Variants in NACC2 observed in about 807,000 individuals in gnomAD.
The protein encoded by NACC2 is nucleus accumbens-associated protein 2.
Under a neutral mutation model 25.1 loss-of-function variants are expected in NACC2, and 8 were observed. The ratio of observed to expected loss-of-function variants is 0.32; its 90% confidence interval spans 0.19 to 0.57. The LOEUF is 0.57. NACC2 is among the 20% of genes least tolerant of loss of function. The probability of loss-of-function intolerance (pLI) is 0.89; values close to 1 mark genes in which losing one functional copy is unlikely to be tolerated. For missense variants in NACC2, 644 were observed against 650.2 expected (o/e 0.99, Z 0.10); for synonymous variants, 435 against 294.7 (o/e 1.48, Z -4.88).
chr9:136,090,927 C>T (rs1588587223), intron 1 of NACC2, among the ~76,000 whole-genome samples: 1 of 152,186 alleles, frequency 6.6e-6, no homozygotes, highest in East Asian at 1.9e-4. Context: ...TGTTCCCCGC[C>T]CCCAGCCCTG....
chr9:136,014,049 G>T, intron 3 of NACC2, 80 bp from the exon 4 acceptor site: 1 of 641,832 alleles, frequency 1.6e-6, no homozygotes, highest in Non-Finnish European at 2.5e-6. Context: ...GGGTGAGGGG[G>T]AGGGGGGGAG....
At chr9:136,025,615 A>T (rs79926189) in intron 2 of NACC2, among the ~76,000 whole-genome samples, 3 of 143,536 alleles carry the variant, frequency 2.1e-5, no homozygotes, top group East Asian at 2.0e-4. Context: ...AAGTCCTATT[A>T]AAAAAAAAAA....
Position 136,013,899 on chromosome 9 carries a change from G to A in NACC2, c.1122C>T (p.Val374=). Residue 374 remains valine (V), a synonymous_variant, in exon 4 of 6, where the codon GTC becomes GTT. Coordinates refer to ENST00000277554, the MANE Select transcript of NACC2 (RefSeq NM_144653.5). This position sits in a 1 kb window ranked among gnomAD's most constrained non-coding sequence, Gnocchi z 6.6. ...AGGTGGCCAGGAGCCTCCGCAGCAA[G>A]ACCTTATGCTTCACCCCTGCACACA... The part of the protein sequence containing the change: ...CHLCAGVKHK[V]LLRRLLATFF... 6.2e-7 allele frequency: 1 copy of A among 1,612,926 alleles called. No individual in the cohort carries two copies. The highest frequency in any genetic ancestry group is 8.5e-7 in the Non-Finnish European group (1 of 1,179,982).
chr9:136,016,394 G>A lies in NACC2; in HGVS notation c.922C>T (p.Arg308Cys), dbSNP rs370237187. 30 of 1,611,150 alleles carry A rather than the reference G, an allele frequency of 1.9e-5. No homozygotes were observed. The highest frequency in any genetic ancestry group is 2.7e-5 in the African/African-American group (2 of 74,860). ...TCGCGGCGGATGAGGACGCAGGAGC[G>A]GCTCTCCAGCGGCACTGGCTCAGGC... ...EKPEPVPLES[R>C]SCVLIRRDLV... Residue 308 changes from arginine to cysteine, a missense_variant, in exon 3 of 6, where the codon CGC (arginine) becomes TGC (cysteine). Transcript: ENST00000277554.
Position 136,045,960 on chromosome 9 carries a change from G to A in NACC2, c.886+3676C>T, listed in dbSNP as rs1480675880. ...CCTTGCCGGGGAAGCCCCGGCTCCCGGTGTCCCTGCTGGACGTTCAGATGC... is the reference window on the plus strand; with the variant it reads ...CCTTGCCGGGGAAGCCCCGGCTCCCAGTGTCCCTGCTGGACGTTCAGATGC... On this transcript the variant is annotated intron_variant, in intron 2 of 5. Transcript: ENST00000277554. 3.3e-5 allele frequency among the ~76,000 whole-genome samples: 5 copies of A among 152,228 alleles called. No homozygotes were observed. In the East Asian group the frequency reaches 5.8e-4, roughly 18 times the overall value.
At chr9:136,035,788 A>G (rs1380038065) in intron 2 of NACC2, among the ~76,000 whole-genome samples, 3 of 152,232 alleles carry the variant, frequency 2.0e-5, no homozygotes, top group Admixed American at 1.3e-4. Context: ...GTTTAGTGAA[A>G]AACCTCTACA....
chr9:136,016,300 T>G lies in NACC2; in HGVS notation c.1016A>C (p.Glu339Ala), dbSNP rs745873586. Residue 339 changes from glutamate (E) to alanine (A), a missense_variant, in exon 3 of 6, where the codon GAA becomes GCA. Coordinates refer to ENST00000277554, the MANE Select transcript of NACC2 (RefSeq NM_144653.5). ...GYRCHPKLYS[E>A]GDPGEKLELV... ...CTCCAGCTTCTCCCCGGGGTCCCCT[T>G]CCGAGTAGAGCTTGGGATGGCAGCG... is the stretch of plus-strand genomic sequence containing the variant. 2.4e-5 allele frequency: 38 copies of G among 1,612,846 alleles called. No homozygotes were observed. The African/African-American group carries it at 2.5e-4, about 11-fold the overall frequency.
At chr9:136,085,137 ATTTTTTTTT>A (rs913472378) in intron 1 of NACC2, among the ~76,000 whole-genome samples, 4 of 82,768 alleles carry the variant, frequency 4.8e-5, no homozygotes, top group African/African-American at 1.8e-4. Context: ...CATTTCTACA[ATTTTTTTTT>A]TTTTTTTTTT....
intron 1 of NACC2, among the ~76,000 whole-genome samples, chr9:136,089,496 CTG>C: frequency 6.6e-6 from 1 of 152,126 alleles, no homozygotes; most frequent in Non-Finnish European, 1.5e-5. Flanking sequence ...ACAACCCCAC[CTG>C]GTGGGGGGCT....
chr9:136,029,607 C>T (rs1840443882), intron 2 of NACC2, among the ~76,000 whole-genome samples: 2 of 152,200 alleles, frequency 1.3e-5, no homozygotes, highest in Admixed American at 1.3e-4. Context: ...GGTCCGTGAG[C>T]CGGGGCTGTG....
At chr9:136,093,594 G>C (rs1316990745) in intron 1 of NACC2, among the ~76,000 whole-genome samples, 1 of 152,232 alleles carries the variant, frequency 6.6e-6, no homozygotes, top group East Asian at 1.9e-4. Context: ...CACTCTCTGT[G>C]CCCATTCCAA....
chr9:136,017,373 G>A (rs780794293), intron 2 of NACC2, among the ~76,000 whole-genome samples: 6 of 152,140 alleles, frequency 3.9e-5, no homozygotes, highest in Admixed American at 2.0e-4. Flanking sequence ...GAGCGTTCAT[G>A]GAGGGCCAGG....
At chr9:136,092,849 C>T (rs1316936380) in intron 1 of NACC2, among the ~76,000 whole-genome samples, 1 of 152,224 alleles carries the variant, frequency 6.6e-6, no homozygotes, top group African/African-American at 2.4e-5. Context: ...CCTCATCCCA[C>T]CGGCCACAGT....
chr9:136,012,595 T>C (rs1168569556), intron 5 of NACC2, among the ~76,000 whole-genome samples: 1 of 151,834 alleles, frequency 6.6e-6, no homozygotes, highest in Admixed American at 6.6e-5. Context: ...ACTTGGGGAC[T>C]GTAATTCCTG....
intron 3 of NACC2, 54 bp from the exon 4 acceptor site, chr9:136,014,023 G>T: frequency 1.0e-6 from 1 of 964,450 alleles, no homozygotes; most frequent in Non-Finnish European, 1.5e-6. Context: ...CATAGGGTCC[G>T]AAGAGGCGCA....
intron 2 of NACC2, among the ~76,000 whole-genome samples, chr9:136,021,903 C>T (rs1250574628): frequency 1.3e-5 from 2 of 152,114 alleles, no homozygotes; most frequent in African/African-American, 4.8e-5. Flanking sequence ...ACTTGGGGGA[C>T]AGAGAATCAT....
chr9:136,017,431 C>T (rs1010173812), intron 2 of NACC2, among the ~76,000 whole-genome samples: 1 of 152,116 alleles, frequency 6.6e-6, no homozygotes, highest in African/African-American at 2.4e-5. Flanking sequence ...CCAGCATGCA[C>T]CAGGTGCGCG....
chr9:136,013,778 C>G lies in NACC2; in HGVS notation c.1157+86G>C. 2.4e-6 allele frequency: 3 copies of G among 1,246,026 alleles called. No homozygotes were observed. The highest frequency in any genetic ancestry group is 1.9e-4 in the Middle Eastern group (1 of 5,324). The allele number at this position is 1,246,026 out of a possible 1,614,324, so 77.2% of individuals were successfully genotyped here. On this transcript the variant is annotated intron_variant, in intron 4 of 5. Coordinates refer to ENST00000277554, the MANE Select transcript of NACC2 (RefSeq NM_144653.5). The surrounding 1 kb of genome is among the most constrained non-coding windows in gnomAD (Gnocchi z 6.6). ...GCGAGAGGGCTTTCAATGCCACAAC[C>G]CTGGACGATCAGACAGCTCATAGCT...
chr9:136,033,060 C>G (rs2131148881), intron 2 of NACC2, among the ~76,000 whole-genome samples: 1 of 152,064 alleles, frequency 6.6e-6, no homozygotes, highest in South Asian at 2.1e-4. Context: ...CCTGTAATTC[C>G]AGCTACTTGG....
Sources: gnomAD v4.1 joint callset for allele counts (sites outside exome capture counted in the v4.1 genomes callset) on GRCh38, gnomAD v4.1.1 for gene constraint, Gnocchi (gnomAD v3.1) non-coding constraint, MANE v1.5 for transcripts, NCBI Gene and HGNC (gene_info 2026-07-23, HGNC 2026-07-21) for gene names.